The following FTCDNL1 variants were observed in gnomAD, a reference collection of about 807,000 sequenced individuals.
FTCDNL1 encodes formiminotransferase N-terminal subdomain-containing protein.
FTCDNL1 carries 11 observed loss-of-function variants against 5.9 expected under a neutral mutation model. The observed-to-expected ratio is 1.87, with a 90% CI of 1.18 to 3.10. FTCDNL1 has a LOEUF of 3.10. Among genes scored for constraint, FTCDNL1 ranks in the 30% most tolerant of loss-of-function variants. FTCDNL1 has a pLI of 0.00. For synonymous variants in FTCDNL1, 58 were observed against 24.8 expected, an observed-to-expected ratio of 2.34 and a Z score of -3.99; for missense variants, 115 against 65.5, an observed-to-expected ratio of 1.76 and a Z score of -2.61.
chr2:199,809,219 G>A (rs1700893116), downstream of FTCDNL1, among the ~76,000 whole-genome samples: 1 of 150,852 alleles, frequency 6.6e-6, no homozygotes, highest in African/African-American at 2.4e-5. Context: ...TAGATCACTG[G>A]ATCCTATAAA....
At chr2:199,695,691 C>T in the FTCDNL1 span, among the ~76,000 whole-genome samples, 5 of 152,092 alleles carry the variant, frequency 3.3e-5, no homozygotes, top group Non-Finnish European at 5.9e-5. Context: ...ATCCTAGCTC[C>T]AGGAGACCCC....
At chr2:199,723,717 C>T in the FTCDNL1 span, among the ~76,000 whole-genome samples, 1 of 152,322 alleles carries the variant, frequency 6.6e-6, no homozygotes, top group African/African-American at 2.4e-5. Flanking sequence ...ATCAGCCTTG[C>T]ATCCCAGGGA....
chr2:199,751,790 T>C, the FTCDNL1 span, among the ~76,000 whole-genome samples: 1 of 151,594 alleles, frequency 6.6e-6, no homozygotes, highest in Non-Finnish European at 1.5e-5. Context: ...GACTAGTAGG[T>C]GAAAAGCTTT....
the FTCDNL1 span, among the ~76,000 whole-genome samples, chr2:199,677,012 A>G: frequency 1.3e-5 from 2 of 152,222 alleles, no homozygotes; most frequent in Admixed American, 6.5e-5. Flanking sequence ...CTATTGGGTT[A>G]CGCAGATGGA....
intron 3 of FTCDNL1, among the ~76,000 whole-genome samples, chr2:199,766,446 T>C (rs1698540606): frequency 6.6e-6 from 1 of 152,212 alleles, no homozygotes; most frequent in African/African-American, 2.4e-5. Flanking sequence ...TATGGCAGAT[T>C]TGAATTCCAT....
the FTCDNL1 span, among the ~76,000 whole-genome samples, chr2:199,693,989 T>A: frequency 6.6e-6 from 1 of 152,170 alleles, no homozygotes; most frequent in African/African-American, 2.4e-5. Context: ...CCCCAACAAC[T>A]GGTGCTTTGT....
At chr2:199,784,044 A>G (rs1699512230) in intron 3 of FTCDNL1, among the ~76,000 whole-genome samples, 2 of 152,072 alleles carry the variant, frequency 1.3e-5, no homozygotes, top group Non-Finnish European at 2.9e-5. Flanking sequence ...AGGGTAGCCA[A>G]CCTCTTAGGG....
chr2:199,671,086 G>A, the FTCDNL1 span, among the ~76,000 whole-genome samples: 2 of 151,696 alleles, frequency 1.3e-5, no homozygotes, highest in Admixed American at 6.6e-5. Flanking sequence ...AGACCCATTA[G>A]GAGAGTACCT....
chr2:199,773,490 G>A (rs1698912989), intron 3 of FTCDNL1, among the ~76,000 whole-genome samples: 1 of 152,084 alleles, frequency 6.6e-6, no homozygotes, highest in Admixed American at 6.5e-5. Context: ...GTCCCTTTGG[G>A]GAAAATCTGT....
chr2:199,843,433 AC>A (rs886847368), intron 3 of FTCDNL1, among the ~76,000 whole-genome samples: 7 of 151,736 alleles, frequency 4.6e-5, no homozygotes, highest in East Asian at 1.9e-4. Flanking sequence ...ATATTTCCCC[AC>A]CCCCCCATGC....
chr2:199,825,509 G>A (rs1701976048), intron 3 of FTCDNL1, among the ~76,000 whole-genome samples: 1 of 152,210 alleles, frequency 6.6e-6, no homozygotes, highest in African/African-American at 2.4e-5. Flanking sequence ...TGTTGGAGGT[G>A]GGGCCTAATG....
the FTCDNL1 span, among the ~76,000 whole-genome samples, chr2:199,671,299 G>T: frequency 1.2e-4 from 18 of 151,992 alleles, no homozygotes; most frequent in Non-Finnish European, 1.3e-4. Flanking sequence ...CATAAATGAG[G>T]TGGTGATCAA....
chr2:199,692,684 C>A, the FTCDNL1 span, among the ~76,000 whole-genome samples: 1 of 152,308 alleles, frequency 6.6e-6, no homozygotes, highest in South Asian at 2.1e-4. Context: ...TCAGTCCTGG[C>A]AGGCACCCAA....
chr2:199,850,112 C>T (rs1039865077), intron 1 of FTCDNL1, among the ~76,000 whole-genome samples: 1 of 152,218 alleles, frequency 6.6e-6, no homozygotes, highest in South Asian at 2.1e-4. Context: ...CTAGAGAGAG[C>T]TCAGGCTTCG....
At chr2:199,843,547 T>C (rs914647084) in intron 3 of FTCDNL1, among the ~76,000 whole-genome samples, 1 of 152,160 alleles carries the variant, frequency 6.6e-6, no homozygotes, top group Non-Finnish European at 1.5e-5. Flanking sequence ...GCAGCATAAG[T>C]AGTGAGGTAC....
the FTCDNL1 span, among the ~76,000 whole-genome samples, chr2:199,680,433 AAGAC>A: frequency 6.6e-6 from 1 of 152,200 alleles, no homozygotes; most frequent in Non-Finnish European, 1.5e-5. Context: ...AAGGGCAACT[AAGAC>A]AGAGAAGACT....
chr2:199,752,740 CTGTGTGTG>C, the FTCDNL1 span, among the ~76,000 whole-genome samples: 152 of 30,702 alleles, frequency 5.0e-3, no homozygotes, highest in Admixed American at 8.4e-3. Context: ...CTCTCTCTCT[CTGTGTGTG>C]TGTGTGTGTG....
chr2:199,727,018 C>T, the FTCDNL1 span, among the ~76,000 whole-genome samples: 18 of 152,336 alleles, frequency 1.2e-4, no homozygotes, highest in East Asian at 2.5e-3. Context: ...AAGACTAAGT[C>T]TTCTGAACCA....
At chr2:199,700,573 G>T in the FTCDNL1 span, among the ~76,000 whole-genome samples, 1,665 of 152,184 alleles carry the variant, frequency 0.011, 34 homozygotes, top group African/African-American at 0.038. Flanking sequence ...TCAAAAAAGA[G>T]CCCAAATAGA....
Sources: gnomAD v4.1 joint callset for allele counts (sites outside exome capture counted in the v4.1 genomes callset) on GRCh38, gnomAD v4.1.1 for gene constraint, MANE v1.5 for transcripts, NCBI Gene and HGNC (gene_info 2026-07-23, HGNC 2026-07-21) for gene names.